The following TEX15 variants were observed in gnomAD, a reference collection of about 807,000 sequenced individuals.
TEX15 encodes testis expressed 15, meiosis and synapsis associated.
TEX15 carries 171 observed loss-of-function variants against 237.3 expected under a neutral mutation model. The observed-to-expected ratio is 0.72, with a 90% CI of 0.64 to 0.82. TEX15 has a LOEUF of 0.82. TEX15 is among the 40% of genes least tolerant of loss of function. TEX15 has a pLI of 0.00. For missense variants in TEX15, 3,750 were observed against 3,646.5 expected (o/e 1.03, Z -0.73); for synonymous variants, 1,338 against 1,269.8 (o/e 1.05, Z -1.14).
intron 4 of TEX15, among the ~76,000 whole-genome samples, chr8:30,867,998 G>A (rs1585298510): frequency 6.6e-6 from 1 of 151,968 alleles, no homozygotes; most frequent in African/African-American, 2.4e-5. Context: ...GGAAAAACAT[G>A]CATTTTCTAA....
chr8:30,886,564 C>T (rs959520391), intron 3 of TEX15, among the ~76,000 whole-genome samples: 4 of 151,246 alleles, frequency 2.6e-5, no homozygotes, highest in South Asian at 2.1e-4. Context: ...TGTGATCCTA[C>T]GTGGATCACC....
intron 4 of TEX15, among the ~76,000 whole-genome samples, chr8:30,868,064 C>T (rs1585298536): frequency 6.6e-6 from 1 of 151,962 alleles, no homozygotes; most frequent in East Asian, 1.9e-4. Flanking sequence ...CACAAAAGCG[C>T]ACACACATGC....
chr8:30,835,963 G>A (rs983460517), intron 10 of TEX15, among the ~76,000 whole-genome samples: 4 of 151,944 alleles, frequency 2.6e-5, no homozygotes, highest in African/African-American at 9.7e-5. Flanking sequence ...AGTTTACTCT[G>A]TTTTTCCTCT....
chr8:30,900,467 T>C (rs936831361), intron 1 of TEX15, among the ~76,000 whole-genome samples: 3 of 152,252 alleles, frequency 2.0e-5, no homozygotes, highest in African/African-American at 7.2e-5. Context: ...ATATGTGTAT[T>C]TGAAAACTGA....
chr8:30,846,893 A>C lies in TEX15; in HGVS notation c.3274T>G (p.Ser1092Ala). Residue 1092 changes from serine to alanine, a missense_variant, in exon 8 of 11, where the codon TCA becomes GCA. By Grantham distance (99) the Ser-to-Ala change is moderately conservative. Coordinates refer to ENST00000643185, the MANE Select transcript of TEX15 (RefSeq NM_001350162.2). Reference protein sequence around the residue: ...ENMLCEEFVTSYKALKSRISW... With the variant: ...ENMLCEEFVTAYKALKSRISW... Reference sequence around the variant, plus strand: ...ATACGAGACTTCAGAGCCTTATATGAGGTCACAAATTCTTCACAAAGCATG... The same window carrying C: ...ATACGAGACTTCAGAGCCTTATATGCGGTCACAAATTCTTCACAAAGCATG... 6.2e-7 allele frequency: 1 copy of C among 1,613,816 alleles called. No homozygotes were observed. The highest frequency in any genetic ancestry group is 8.5e-7 in the Non-Finnish European group (1 of 1,179,802).
chr8:30,906,075 TA>T (rs1282122192), intron 1 of TEX15, among the ~76,000 whole-genome samples: 1 of 152,248 alleles, frequency 6.6e-6, no homozygotes, highest in Non-Finnish European at 1.5e-5. Context: ...ACTCTTCTGC[TA>T]TATTGATTAC....
chr8:30,846,641 C>A lies in TEX15; in HGVS notation c.3526G>T (p.Ala1176Ser). 1 of 1,613,850 alleles carries A rather than the reference C, an allele frequency of 6.2e-7. No individual in the cohort carries two copies. Among genetic ancestry groups the A allele is most frequent in the South Asian group, 1.1e-5 (1 of 91,064 alleles). The change falls in exon 8 of 11, where the codon GCA becomes TCA. Residue 1176 changes from alanine to serine, a missense_variant. Ala to Ser is a moderately conservative substitution (Grantham distance 99). Coordinates refer to ENST00000643185, the MANE Select transcript of TEX15 (RefSeq NM_001350162.2). ...PGFSPTADSL[A>S]LKDSFCTHVT... ...TGTGTGCAAAAACTATCTTTCAATG[C>A]AAGGGAGTCAGCTGTCGGGCTGAAT... is the stretch of plus-strand genomic sequence containing the variant.
chr8:30,858,299 T>G (rs1307761622), intron 7 of TEX15, among the ~76,000 whole-genome samples: 1 of 151,914 alleles, frequency 6.6e-6, no homozygotes, highest in East Asian at 1.9e-4. Flanking sequence ...ATTCACTACT[T>G]TTTTTATCTT....
Position 30,843,842 on chromosome 8 carries a change from G to C in TEX15, c.6325C>G (p.Leu2109Val), listed in dbSNP as rs1385653217. 6.2e-7 allele frequency: 1 copy of C among 1,612,864 alleles called. No homozygotes were observed. The highest frequency in any genetic ancestry group is 1.3e-5 in the African/African-American group (1 of 74,998). ...GGTTTTCCAAGAAGCTCAGCATACA[G>C]TGTTTCATCATACCAAAGCAAGCTT... ...LRSLLWYDET[L>V]YAELLGKPRG... Residue 2109 changes from leucine to valine, a missense_variant, in exon 8 of 11, where the codon CTG (leucine) becomes GTG (valine). Transcript: ENST00000643185.
In TEX15 at chr8:30,842,948, T is replaced by C; in HGVS notation, c.7219A>G (p.Met2407Val). The change falls in exon 8 of 11, where the codon ATG becomes GTG. Residue 2407 changes from methionine (M) to valine (V), a missense_variant. Coordinates refer to ENST00000643185, the MANE Select transcript of TEX15 (RefSeq NM_001350162.2). ...HLEILKKYFQ[M>V]LQDNNMDNIF... ...TTATCCATGTTATTATCTTGTAGCA[T>C]CTGAAAGTATTTTTTTAAAATTTCT... The C allele has an allele frequency of 6.2e-7, 1 of 1,610,620 alleles. No homozygotes were observed. The highest frequency in any genetic ancestry group is 8.5e-7 in the Non-Finnish European group (1 of 1,178,772).
intron 4 of TEX15, among the ~76,000 whole-genome samples, chr8:30,871,330 G>A (rs548235044): frequency 2.8e-4 from 43 of 151,944 alleles, no homozygotes; most frequent in African/African-American, 8.9e-4. Context: ...TCAATGATAC[G>A]AAGAACTTGT....
At chr8:30,887,037 A>T in intron 3 of TEX15, 130 bp downstream of exon 3, 1 of 744,530 alleles carries the variant, frequency 1.3e-6, no homozygotes. Context: ...AAGTACATGT[A>T]TGTTTAAGGA....
chr8:30,838,821 T>TAA (rs1807379014), intron 9 of TEX15, among the ~76,000 whole-genome samples: 1 of 86,840 alleles, frequency 1.2e-5, no homozygotes, highest in Non-Finnish European at 2.5e-5. Context: ...TATATATATA[T>TAA]GAATTTTTTT....
rs1460345333 is a variant in TEX15, at chr8:30,844,251, A to C, written c.5916T>G (p.Thr1972=). Residue 1972 remains threonine (T), a synonymous_variant, in exon 8 of 11, where the codon ACT becomes ACG. Coordinates refer to ENST00000643185, the MANE Select transcript of TEX15 (RefSeq NM_001350162.2). ...PAHSETCKVP[T]LLKKPASYVS... ...CGTATGACGCAGGTTTCTTCAGAAG[A>C]GTAGGGACTTTACAGGTTTCAGAGT... 5 of 1,612,950 alleles carry C rather than the reference A, an allele frequency of 3.1e-6. No individual in the cohort carries two copies. In the East Asian group the frequency reaches 8.9e-5, roughly 29 times the overall value.
Position 30,848,713 on chromosome 8 carries a change from C to T in TEX15, c.1454G>A (p.Gly485Asp). ...NSASSSEVVP[G>D]DCAVLTNGLD... ...ACCATTAGTAAGAACAGCACAATCA[C>T]CAGGGACAACTTCTGAGGAGGAGGC... Residue 485 changes from glycine to aspartate, a missense_variant, in exon 8 of 11, where the codon GGT becomes GAT. By Grantham distance (94) the Gly-to-Asp change is moderately conservative. Coordinates refer to ENST00000643185, the MANE Select transcript of TEX15 (RefSeq NM_001350162.2). The T allele has an allele frequency of 6.2e-7, 1 of 1,614,136 alleles. No homozygotes were observed. The highest frequency in any genetic ancestry group is 8.5e-7 in the Non-Finnish European group (1 of 1,180,008).
Position 30,840,573 on chromosome 8 carries a change from C to T in TEX15, c.8164-609G>A, listed in dbSNP as rs145920196. ...CCTTTCTTGTAAACCAGTTGCTAAG[C>T]CCCATCGATTCTTTAAGTCATGTCT... On this transcript the variant is annotated intron_variant, in intron 8 of 10. Transcript: ENST00000643185. Among the ~76,000 whole-genome samples the T allele has an allele frequency of 1.1e-4, 16 of 152,250 alleles. No homozygotes were observed. In the East Asian group the frequency reaches 3.1e-3, roughly 29 times the overall value.
intron 2 of TEX15, among the ~76,000 whole-genome samples, chr8:30,891,562 C>A (rs1218258777): frequency 6.6e-6 from 1 of 151,948 alleles, no homozygotes; most frequent in Admixed American, 6.6e-5. Flanking sequence ...ACACTGCAAC[C>A]TCTGTCTCCT....
In TEX15 at chr8:30,843,088, T is replaced by C. The variant is rs771405376; in HGVS notation, c.7079A>G (p.Asn2360Ser). 2.5e-6 allele frequency: 4 copies of C among 1,613,326 alleles called. No individual in the cohort carries two copies. In the Admixed American group the frequency reaches 6.7e-5, roughly 27 times the overall value. ...ATISIENSKF[N>S]SNLLAHPDIC... ...ATCTGGGTGTGCAAGCAAATTACTG[T>C]TAAATTTAGAATTTTCTATGCTAAT... Residue 2360 changes from asparagine to serine, a missense_variant, in exon 8 of 11, where the codon AAC becomes AGC. Physicochemically the swap from Asn to Ser is conservative, Grantham distance 46. Transcript: ENST00000643185.
chr8:30,852,946 A>T (rs1807819823), intron 7 of TEX15, among the ~76,000 whole-genome samples: 1 of 152,188 alleles, frequency 6.6e-6, no homozygotes, highest in African/African-American at 2.4e-5. Flanking sequence ...AATTTTAATT[A>T]ATTTAAATTT....
Sources: allele counts gnomAD v4.1 joint callset (sites outside exome capture counted in the v4.1 genomes callset), GRCh38; gene constraint gnomAD v4.1.1; transcripts MANE v1.5; gene names NCBI Gene and HGNC (gene_info 2026-07-23, HGNC 2026-07-21).